CACNA2D3: variants seen among roughly 807,000 people sequenced by gnomAD.
CACNA2D3 encodes calcium voltage-gated channel auxiliary subunit alpha2delta 3, also known as voltage-dependent calcium channel subunit alpha-2/delta-3.
A neutral mutation model predicts 160.6 loss-of-function variants in CACNA2D3; 60 were observed. The ratio of observed to expected loss-of-function variants is 0.37; its 90% CI spans 0.30 to 0.46. The LOEUF (loss-of-function observed/expected upper bound fraction) is 0.46. Ranked by LOEUF, CACNA2D3 falls within the 20% of genes least tolerant of loss-of-function variation. CACNA2D3 has a pLI of 1.00. For synonymous variants in CACNA2D3, 558 were observed against 492.9 expected (o/e 1.13, Z -1.75); for missense variants, 1,205 against 1,365.0 (o/e 0.88, Z 1.85).
intron 11 of CACNA2D3, among the ~76,000 whole-genome samples, chr3:54,679,205 C>T (rs572426624): frequency 2.5e-4 from 38 of 152,272 alleles, no homozygotes; most frequent in East Asian, 9.6e-4. Flanking sequence ...TGGAAGGGGA[C>T]GGTCTTTGTG....
At chr3:54,594,110 T>C (rs1255925444) in intron 9 of CACNA2D3, among the ~76,000 whole-genome samples, 1 of 152,260 alleles carries the variant, frequency 6.6e-6, no homozygotes, top group Non-Finnish European at 1.5e-5. Context: ...CATTTTTCAT[T>C]AATCTCCACT....
intron 4 of CACNA2D3, among the ~76,000 whole-genome samples, chr3:54,440,606 A>G (rs1341919695): frequency 1.3e-5 from 2 of 152,152 alleles, no homozygotes; most frequent in East Asian, 3.8e-4. Context: ...ATTTAACATT[A>G]GGTATATCTC....
At chr3:54,786,607 T>C (rs1161551305) in intron 13 of CACNA2D3, among the ~76,000 whole-genome samples, 5 of 152,188 alleles carry the variant, frequency 3.3e-5, no homozygotes, top group Non-Finnish European at 4.4e-5. Context: ...TTTATAGATA[T>C]TTGGTAGGTA....
chr3:54,618,384 C>T (rs1270343040), intron 9 of CACNA2D3, among the ~76,000 whole-genome samples: 27 of 138,418 alleles, frequency 2.0e-4, no homozygotes, highest in Admixed American at 1.6e-3. Flanking sequence ...TGCACACACA[C>T]ACACACACAC....
Position 54,659,151 on chromosome 3 carries a change from A to G in CACNA2D3, c.1167+16910A>G, listed in dbSNP as rs1040566591. On this transcript the variant is annotated intron_variant, in intron 11 of 37. Transcript: ENST00000474759. ...TTTTCTTTTACTGATAGCACCTTTC[A>G]TCTTGTAAAAAATTAGATAAATAAC... 3.3e-5 allele frequency among the ~76,000 whole-genome samples: 5 copies of G among 152,106 alleles called. No homozygotes were observed. In the South Asian group the frequency reaches 1.0e-3, roughly 32 times the overall value.
intron 28 of CACNA2D3, among the ~76,000 whole-genome samples, chr3:54,969,109 A>C (rs532236463): frequency 6.6e-5 from 10 of 152,298 alleles, no homozygotes; most frequent in African/African-American, 2.4e-4. Context: ...AAGATACTTT[A>C]GGAAGCTATA....
chr3:54,215,368 G>A (rs191154711), intron 2 of CACNA2D3, among the ~76,000 whole-genome samples: 94 of 152,210 alleles, frequency 6.2e-4, no homozygotes, highest in Middle Eastern at 3.4e-3. Flanking sequence ...CTGTTACAGC[G>A]TTTTTAAAGC....
chr3:54,591,775 G>T (rs1247340892), intron 9 of CACNA2D3, among the ~76,000 whole-genome samples: 1 of 152,028 alleles, frequency 6.6e-6, no homozygotes, highest in African/African-American at 2.4e-5. Context: ...CACATCCTTT[G>T]TGTGATGGGG....
intron 4 of CACNA2D3, among the ~76,000 whole-genome samples, chr3:54,484,321 A>G (rs996071855): frequency 2.0e-5 from 3 of 152,164 alleles, no homozygotes; most frequent in Admixed American, 6.5e-5. Context: ...TGTATCAGGT[A>G]CAGCCTGTTG....
intron 2 of CACNA2D3, among the ~76,000 whole-genome samples, chr3:54,311,132 T>C (rs1703730983): frequency 6.6e-6 from 1 of 152,188 alleles, no homozygotes; most frequent in Non-Finnish European, 1.5e-5. Context: ...GCAGCAATAT[T>C]GACACAGATT....
chr3:54,247,538 C>G (rs916548410), intron 2 of CACNA2D3, among the ~76,000 whole-genome samples: 13 of 151,664 alleles, frequency 8.6e-5, no homozygotes, highest in Non-Finnish European at 1.9e-4. Flanking sequence ...ACAGATAATG[C>G]CTTAAATTAA....
intron 18 of CACNA2D3, among the ~76,000 whole-genome samples, chr3:54,872,245 T>C (rs1274837263): frequency 6.6e-6 from 1 of 152,202 alleles, no homozygotes; most frequent in African/African-American, 2.4e-5. Flanking sequence ...CTTATACCCA[T>C]GACTTAACCC....
At chr3:54,534,178 ACC>A (rs1364376110) in intron 5 of CACNA2D3, among the ~76,000 whole-genome samples, 2 of 152,080 alleles carry the variant, frequency 1.3e-5, no homozygotes, top group African/African-American at 4.8e-5. Context: ...TCTTGCTTGC[ACC>A]TCTGTTTCTG....
chr3:54,702,468 G>A (rs78196590), intron 11 of CACNA2D3, among the ~76,000 whole-genome samples: 38,255 of 152,052 alleles, frequency 0.25, 5,159 homozygotes, highest in African/African-American at 0.29. Flanking sequence ...AAAAAGACAT[G>A]TGCATGGCCA....
At chr3:54,220,071 G>A (rs558989471) in intron 2 of CACNA2D3, among the ~76,000 whole-genome samples, 1 of 151,964 alleles carries the variant, frequency 6.6e-6, no homozygotes, top group Non-Finnish European at 1.5e-5. Context: ...TTCAAGCAAC[G>A]TTTTGATTGA....
intron 27 of CACNA2D3, among the ~76,000 whole-genome samples, chr3:54,932,765 T>C (rs571913603): frequency 3.9e-5 from 6 of 152,326 alleles, no homozygotes; most frequent in African/African-American, 1.2e-4. Context: ...CCTCCATCCC[T>C]GTCAACAGGC....
At chr3:54,583,148 G>C (rs1044984909) in intron 9 of CACNA2D3, among the ~76,000 whole-genome samples, 13 of 151,904 alleles carry the variant, frequency 8.6e-5, no homozygotes, top group Non-Finnish European at 1.8e-4. Context: ...TTCCAATATT[G>C]TAATATTGTA....
chr3:54,506,675 A>G (rs1489830799), intron 5 of CACNA2D3, among the ~76,000 whole-genome samples: 2 of 152,210 alleles, frequency 1.3e-5, no homozygotes, highest in African/African-American at 4.8e-5. Flanking sequence ...TTAGAAATGC[A>G]TCTCAGGGCC....
At position 54,793,432 on chromosome 3, in the gene CACNA2D3, C is replaced by T. The variant is rs535802345; in HGVS notation, c.1381-23421C>T. 4.6e-5 allele frequency among the ~76,000 whole-genome samples: 7 copies of T among 152,302 alleles called. No homozygotes were observed. In the South Asian group the frequency reaches 1.4e-3, roughly 32 times the overall value. On this transcript the variant is annotated intron_variant, in intron 13 of 37. Transcript: ENST00000474759. ...GGCTGTTTGAGCTACTTAAGCTTTT[C>T]AAATGTAGGCAATGGGGATATATCT...
Sources: gnomAD v4.1 joint callset for allele counts (sites outside exome capture counted in the v4.1 genomes callset) on GRCh38, gnomAD v4.1.1 for gene constraint, MANE v1.5 for transcripts, NCBI Gene and HGNC (gene_info 2026-07-23, HGNC 2026-07-21) for gene names.